Variants in SORBS2 observed in about 807,000 individuals in gnomAD.
The protein encoded by SORBS2 is sorbin and SH3 domain containing 2, also known as sorbin and SH3 domain-containing protein 2.
SORBS2 carries 46 observed loss-of-function variants against 97.7 expected under a neutral mutation model. That is an observed-to-expected ratio of 0.47 (90% CI 0.37 to 0.60). The LOEUF is 0.60. SORBS2 is among the 20% of genes least tolerant of loss of function. The pLI, the probability that SORBS2 is intolerant of heterozygous loss-of-function variation, is 0.00. For synonymous variants in SORBS2, 476 were observed against 473.4 expected (o/e 1.01, Z -0.07); for missense variants, 1,316 against 1,282.3 (o/e 1.03, Z -0.40).
chr4:185,931,617 C>T (rs1308927365), intron 1 of SORBS2, among the ~76,000 whole-genome samples: 1 of 152,104 alleles, frequency 6.6e-6, no homozygotes, highest in East Asian at 1.9e-4. Flanking sequence ...GGGGATGAGG[C>T]ATTTGATCAG....
intron 2 of SORBS2, among the ~76,000 whole-genome samples, chr4:185,756,234 T>C (rs1340764583): frequency 6.6e-6 from 1 of 151,878 alleles, no homozygotes; most frequent in African/African-American, 2.4e-5. Context: ...TTACAAGTCA[T>C]GACTCATATT....
At chr4:185,780,007 ATT>A (rs538693770) in intron 1 of SORBS2, among the ~76,000 whole-genome samples, 145 of 98,098 alleles carry the variant, frequency 1.5e-3, no homozygotes, top group African/African-American at 3.9e-3. Flanking sequence ...GTAGAGTAAC[ATT>A]TTTTTTTTTT....
At chr4:185,598,856 T>C (rs2096182933) in intron 12 of SORBS2, among the ~76,000 whole-genome samples, 1 of 151,618 alleles carries the variant, frequency 6.6e-6, no homozygotes, top group Admixed American at 6.6e-5. Flanking sequence ...GACATACAAA[T>C]ACATAATGTA....
chr4:185,884,872 C>A (rs2099238601), intron 1 of SORBS2, among the ~76,000 whole-genome samples: 1 of 152,148 alleles, frequency 6.6e-6, no homozygotes, highest in South Asian at 2.1e-4. Context: ...TTACTACATA[C>A]TTTATGCAAT....
In SORBS2 at chr4:185,623,479, GTGGTGA is replaced by G; in HGVS notation, c.1644_1649del (p.His553_His554del). The G allele has an allele frequency of 7.4e-6, 12 of 1,612,958 alleles. No homozygotes were observed. The highest frequency in any genetic ancestry group is 1.0e-5 in the Non-Finnish European group (12 of 1,179,988). On this transcript the variant is annotated inframe_deletion, in exon 7 of 15. Coordinates refer to ENST00000418609, the Ensembl canonical transcript of SORBS2. The surrounding 1 kb of genome is among the most constrained non-coding windows in gnomAD (Gnocchi z 6.4). The stretch of plus-strand genomic sequence containing the variant: ...TGATGAGGTGGCGGTGGTGGTGGTG[GTGGTGA>G]TGGTGGTGGTGGTGGCTGGATCCGT...
intron 12 of SORBS2, among the ~76,000 whole-genome samples, chr4:185,597,224 G>A (rs184509839): frequency 1.3e-3 from 204 of 152,236 alleles, no homozygotes; most frequent in Non-Finnish European, 2.0e-3. Context: ...TATAACCTTG[G>A]GGATGCCTCA....
chr4:185,622,674 G>A (rs1003237156), intron 7 of SORBS2, among the ~76,000 whole-genome samples: 3 of 152,164 alleles, frequency 2.0e-5, no homozygotes, highest in Non-Finnish European at 4.4e-5. Flanking sequence ...TCTCGTTTTC[G>A]AAAGAGTAAA....
At chr4:185,946,641 T>G (rs1191193272) in intron 1 of SORBS2, among the ~76,000 whole-genome samples, 5 of 152,178 alleles carry the variant, frequency 3.3e-5, no homozygotes, top group Non-Finnish European at 5.9e-5. Flanking sequence ...CATCTCCTCA[T>G]CCACCCTGCT....
At chr4:185,789,425 A>G (rs764095217) in intron 1 of SORBS2, among the ~76,000 whole-genome samples, 1 of 151,860 alleles carries the variant, frequency 6.6e-6, no homozygotes, top group Non-Finnish European at 1.5e-5. Flanking sequence ...AGTCATAACA[A>G]TTTTATTATT....
chr4:185,694,702 C>CTTTT (rs1561959911), intron 2 of SORBS2, among the ~76,000 whole-genome samples: 1 of 84,588 alleles, frequency 1.2e-5, no homozygotes, highest in Non-Finnish European at 2.6e-5. Flanking sequence ...TTTTCCTTTT[C>CTTTT]TTTCTTTTCT....
intron 2 of SORBS2, among the ~76,000 whole-genome samples, chr4:185,694,161 G>A (rs1030303543): frequency 7.2e-5 from 11 of 152,228 alleles, no homozygotes; most frequent in Non-Finnish European, 1.3e-4. Context: ...ATCCACGACT[G>A]AGAACTCTCT....
At chr4:185,850,501 T>C (rs11940307) in intron 1 of SORBS2, among the ~76,000 whole-genome samples, 82,558 of 152,034 alleles carry the variant, frequency 0.54, 22,916 homozygotes, top group East Asian at 0.78. Context: ...AAAATTTTGC[T>C]GCAATGATAG....
intron 2 of SORBS2, among the ~76,000 whole-genome samples, chr4:185,703,746 G>T (rs1342541730): frequency 6.6e-6 from 1 of 152,198 alleles, no homozygotes; most frequent in African/African-American, 2.4e-5. Context: ...CCCATGTTCA[G>T]ATGTTTTGGA....
chr4:185,658,696 T>C (rs1410470804), upstream of SORBS2, among the ~76,000 whole-genome samples: 6 of 148,058 alleles, frequency 4.1e-5, no homozygotes, highest in African/African-American at 1.2e-4. Flanking sequence ...AGTAAGCTTT[T>C]TTTTTTTTTT....
At chr4:185,754,871 C>T (rs571592148) in intron 2 of SORBS2, among the ~76,000 whole-genome samples, 1 of 152,272 alleles carries the variant, frequency 6.6e-6, no homozygotes, top group Admixed American at 6.5e-5. Context: ...CCTGGAAGGG[C>T]AATACATCAC....
At chr4:185,886,579 G>GAAAAAA (rs375147493) in intron 1 of SORBS2, among the ~76,000 whole-genome samples, 1 of 127,912 alleles carries the variant, frequency 7.8e-6, no homozygotes, top group African/African-American at 2.9e-5. Context: ...AAAAAGAAAA[G>GAAAAAA]AAAAAAAAAA....
chr4:185,794,338 G>A (rs141360407), intron 1 of SORBS2, among the ~76,000 whole-genome samples: 129 of 152,322 alleles, frequency 8.5e-4, no homozygotes, highest in Non-Finnish European at 1.2e-3. Context: ...AGCCATGGGC[G>A]CTTGGTGCTA....
At chr4:185,601,728 T>C (rs2096266241) in intron 12 of SORBS2, among the ~76,000 whole-genome samples, 1 of 152,182 alleles carries the variant, frequency 6.6e-6, no homozygotes, top group Non-Finnish European at 1.5e-5. Context: ...TAGAATGATG[T>C]GGATCATAAC....
upstream of SORBS2, among the ~76,000 whole-genome samples, chr4:185,660,182 T>C (rs1200852902): frequency 6.6e-6 from 1 of 152,208 alleles, no homozygotes; most frequent in African/African-American, 2.4e-5. Flanking sequence ...AATCAAAGCC[T>C]ATCTACATTC....
Sources: gnomAD v4.1 joint callset for allele counts (sites outside exome capture counted in the v4.1 genomes callset) on GRCh38, gnomAD v4.1.1 for gene constraint, Gnocchi (gnomAD v3.1) non-coding constraint, MANE v1.5 for transcripts, NCBI Gene and HGNC (gene_info 2026-07-23, HGNC 2026-07-21) for gene names.